The following ATG7 variants were observed in gnomAD, a reference collection of about 807,000 sequenced individuals.
ATG7 encodes autophagy related 7.
ATG7 carries 70 observed loss-of-function variants against 82.4 expected under a neutral mutation model. The ratio of observed to expected loss-of-function variants is 0.85; its 90% CI spans 0.70 to 1.04. ATG7 has a LOEUF of 1.04. ATG7 is among the 50% of genes least tolerant of loss of function. The pLI, the probability that ATG7 is intolerant of heterozygous loss-of-function variation, is 0.00. For synonymous variants in ATG7, 287 were observed against 313.0 expected (o/e 0.92, Z 0.88); for missense variants, 792 against 864.3 (o/e 0.92, Z 1.05).
chr3:11,279,751 G>T (rs929033207), intron 1 of ATG7, among the ~76,000 whole-genome samples: 3 of 151,944 alleles, frequency 2.0e-5, no homozygotes, highest in Admixed American at 6.6e-5. Flanking sequence ...TTGGCTTAAG[G>T]GTTTCTATAG....
At chr3:11,384,865 G>A (rs1414426222) in intron 19 of ATG7, among the ~76,000 whole-genome samples, 1 of 152,174 alleles carries the variant, frequency 6.6e-6, no homozygotes, top group African/African-American at 2.4e-5. Flanking sequence ...GGGGGCTGAG[G>A]TGGGAAGATC....
chr3:11,370,465 C>G (rs762569119), intron 18 of ATG7, among the ~76,000 whole-genome samples: 5 of 151,278 alleles, frequency 3.3e-5, no homozygotes, highest in Non-Finnish European at 5.9e-5. Flanking sequence ...TTGATTAAGA[C>G]TCTTTTCAGC....
In ATG7 at chr3:11,554,757, C is replaced by T. The variant is rs1335115337; in HGVS notation, c.2080-54C>T. ...GCTGCGGTTTTGAAGCATCTGTGTG[C>T]CCCCCACCGGGCAGTGGGACATCTC... On this transcript the variant is annotated intron_variant, in intron 20 of 20. Coordinates refer to ENST00000693202, the MANE Select transcript of ATG7 (RefSeq NM_001349232.2). The T allele has an allele frequency of 1.3e-5, 20 of 1,598,388 alleles. No homozygotes were observed. In the Admixed American group the frequency reaches 3.2e-4, roughly 26 times the overall value.
rs763947493 is a variant in ATG7 at position 11,333,104 on chromosome 3, G to A, written c.889+11G>A. The A allele has an allele frequency of 8.4e-6, 13 of 1,541,798 alleles. No individual in the cohort carries two copies. The highest frequency in any genetic ancestry group is 1.0e-5 in the Non-Finnish European group (12 of 1,148,882). The stretch of plus-strand genomic sequence containing the variant: ...TGGCATTTAGCCCAGGTAATTTGCC[G>A]GTCTTTGAAAATGCATATAATTATC... On this transcript the variant is annotated intron_variant, in intron 11 of 20. Coordinates refer to ENST00000693202, the MANE Select transcript of ATG7 (RefSeq NM_001349232.2).
chr3:11,313,269 C>A, intron 7 of ATG7, 35 bp from the exon 8 acceptor site: 1 of 1,385,960 alleles, frequency 7.2e-7, no homozygotes, highest in Non-Finnish European at 1.0e-6. Context: ...GTTAATGGTG[C>A]TATTCTAATA....
At chr3:11,558,863 G>A (rs761556303), downstream of ATG7, 1 of 1,602,832 alleles carries the variant, frequency 6.2e-7, no homozygotes. Context: ...GTCAGACACA[G>A]GTGGCTGCAG....
At chr3:11,562,563 G>C (rs2073117481), downstream of ATG7, among the ~76,000 whole-genome samples, 1 of 152,226 alleles carries the variant, frequency 6.6e-6, no homozygotes, top group Non-Finnish European at 1.5e-5. Flanking sequence ...AGACCTCGGA[G>C]CTGCTGGAGC....
At chr3:11,377,191 G>A (rs1262438946) in intron 18 of ATG7, among the ~76,000 whole-genome samples, 1 of 152,178 alleles carries the variant, frequency 6.6e-6, no homozygotes, top group East Asian at 1.9e-4. Flanking sequence ...TCTTGCAGTC[G>A]GTTGAGAAGA....
chr3:11,573,310 AG>A, the ATG7 span, among the ~76,000 whole-genome samples: 1 of 12,642 alleles, frequency 7.9e-5, no homozygotes, highest in East Asian at 2.3e-3. Context: ...AAAGAAAGGA[AG>A]GAAGGAAGAA....
At chr3:11,429,655 G>A (rs1422864131) in intron 20 of ATG7, among the ~76,000 whole-genome samples, 2 of 150,854 alleles carry the variant, frequency 1.3e-5, no homozygotes, top group Non-Finnish European at 3.0e-5. Context: ...AAGGTATTAC[G>A]AAATACTCTG....
chr3:11,333,375 T>G (rs1346572157), intron 11 of ATG7, among the ~76,000 whole-genome samples: 7 of 152,210 alleles, frequency 4.6e-5, no homozygotes, highest in Non-Finnish European at 1.0e-4. Context: ...TTACTTTTCT[T>G]TAACACAAAA....
chr3:11,513,308 TGGG>T (rs756435229), intron 20 of ATG7, among the ~76,000 whole-genome samples: 32 of 152,180 alleles, frequency 2.1e-4, no homozygotes, highest in Non-Finnish European at 4.4e-4. Context: ...CGGTGCTCGT[TGGG>T]GAGGCTCGGG....
intron 20 of ATG7, among the ~76,000 whole-genome samples, chr3:11,475,472 A>G (rs982049170): frequency 2.0e-5 from 3 of 152,166 alleles, no homozygotes; most frequent in Non-Finnish European, 4.4e-5. Context: ...GGAGTTTGGC[A>G]GGGACTTTGA....
At chr3:11,501,551 A>ATGTTAATTTTCG (rs1284299289) in intron 20 of ATG7, among the ~76,000 whole-genome samples, 15 of 15,618 alleles carry the variant, frequency 9.6e-4, no homozygotes, top group Non-Finnish European at 1.5e-3. Flanking sequence ...ATATTAATAG[A>ATGTTAATTTTCG]TAGGTGTGAT....
chr3:11,452,384 C>CCAAAA (rs2085278603), intron 20 of ATG7, among the ~76,000 whole-genome samples: 1 of 58,420 alleles, frequency 1.7e-5, no homozygotes, highest in African/African-American at 7.6e-5. Context: ...GAACCTGTCT[C>CCAAAA]AAAAAAAAAA....
At chr3:11,573,222 G>A in the ATG7 span, among the ~76,000 whole-genome samples, 1 of 137,348 alleles carries the variant, frequency 7.3e-6, no homozygotes, top group African/African-American at 2.8e-5. Flanking sequence ...GAGAGAGAAA[G>A]ACAGACAGAA....
intron 20 of ATG7, among the ~76,000 whole-genome samples, chr3:11,537,067 C>G (rs2070375002): frequency 6.6e-6 from 1 of 152,274 alleles, no homozygotes; most frequent in South Asian, 2.1e-4. Flanking sequence ...ACCTCCATCC[C>G]TCTGCACAGG....
At chr3:11,281,998 A>T (rs1943148768) in intron 2 of ATG7, among the ~76,000 whole-genome samples, 195 bp from the exon 3 acceptor site, 1 of 152,202 alleles carries the variant, frequency 6.6e-6, no homozygotes, top group Admixed American at 6.5e-5. Flanking sequence ...GTTGGTTGGC[A>T]TAGGGCTCCA....
intron 3 of ATG7, among the ~76,000 whole-genome samples, chr3:11,289,770 G>A (rs1357165908): frequency 6.6e-6 from 1 of 152,070 alleles, no homozygotes; most frequent in East Asian, 1.9e-4. Flanking sequence ...ATGTTGCCCA[G>A]GCTCGTCTCA....
Sources: allele counts gnomAD v4.1 joint callset (sites outside exome capture counted in the v4.1 genomes callset), GRCh38; gene constraint gnomAD v4.1.1; transcripts MANE v1.5; gene names NCBI Gene and HGNC (gene_info 2026-07-23, HGNC 2026-07-21).